ZNF804A: variants seen among roughly 807,000 people sequenced by gnomAD.
ZNF804A encodes zinc finger protein 804A.
A neutral mutation model predicts 16.5 loss-of-function variants in ZNF804A; 2 were observed. The ratio of observed to expected loss-of-function variants is 0.12; its 90% CI spans 0.05 to 0.38. ZNF804A has a LOEUF of 0.38. ZNF804A is among the 10% of genes least tolerant of loss of function. The probability of loss-of-function intolerance (pLI) is 0.99; values close to 1 mark genes in which losing one functional copy is unlikely to be tolerated. For missense variants in ZNF804A, 1,473 were observed against 1,390.7 expected (o/e 1.06, Z -0.94); for synonymous variants, 534 against 489.6 (o/e 1.09, Z -1.20).
intron 1 of ZNF804A, among the ~76,000 whole-genome samples, chr2:184,848,108 G>A (rs552753586): frequency 1.3e-5 from 2 of 152,006 alleles, no homozygotes; most frequent in South Asian, 4.2e-4. Flanking sequence ...TAGAGGTTTG[G>A]GAGTGAGATC....
chr2:184,670,925 A>G (rs1168169940), intron 1 of ZNF804A, among the ~76,000 whole-genome samples: 1 of 152,008 alleles, frequency 6.6e-6, no homozygotes, highest in Non-Finnish European at 1.5e-5. Flanking sequence ...ACTTGCTTTC[A>G]TCTTACCCAT....
At chr2:184,631,830 G>T (rs1479050334) in intron 1 of ZNF804A, among the ~76,000 whole-genome samples, 1 of 152,132 alleles carries the variant, frequency 6.6e-6, no homozygotes, top group Non-Finnish European at 1.5e-5. Flanking sequence ...AATAAAGGAA[G>T]ATAGTATATT....
chr2:184,910,137 C>A (rs1053733620), intron 2 of ZNF804A, among the ~76,000 whole-genome samples: 5 of 151,894 alleles, frequency 3.3e-5, no homozygotes, highest in African/African-American at 9.7e-5. Context: ...TCCTTTCTTC[C>A]CCCTTTAGTA....
intron 2 of ZNF804A, among the ~76,000 whole-genome samples, chr2:184,926,490 G>A (rs927247867): frequency 4.0e-5 from 6 of 151,818 alleles, no homozygotes; most frequent in Non-Finnish European, 8.8e-5. Context: ...GTCTTCTTTA[G>A]GTTAAATCTT....
At chr2:184,831,544 T>A (rs72905730) in intron 1 of ZNF804A, among the ~76,000 whole-genome samples, 1 of 152,012 alleles carries the variant, frequency 6.6e-6, no homozygotes, top group Non-Finnish European at 1.5e-5. Context: ...CAGTGTTGCT[T>A]GAGAACACCT....
At chr2:184,797,588 T>A (rs1386904640) in intron 1 of ZNF804A, among the ~76,000 whole-genome samples, 1 of 152,160 alleles carries the variant, frequency 6.6e-6, no homozygotes, top group African/African-American at 2.4e-5. Context: ...CAGTTCTGCC[T>A]CTTTTAAGTG....
At chr2:184,614,415 A>G (rs961399766) in intron 1 of ZNF804A, among the ~76,000 whole-genome samples, 1 of 152,236 alleles carries the variant, frequency 6.6e-6, no homozygotes, top group Non-Finnish European at 1.5e-5. Context: ...CAATGGCAAC[A>G]AAAGCCAAAA....
intron 1 of ZNF804A, among the ~76,000 whole-genome samples, chr2:184,811,514 A>T (rs2105786871): frequency 6.6e-6 from 1 of 152,298 alleles, no homozygotes; most frequent in Non-Finnish European, 1.5e-5. Context: ...TATATAGAGC[A>T]TAAAAATACA....
chr2:184,757,196 C>A (rs916502057), intron 1 of ZNF804A, among the ~76,000 whole-genome samples: 1 of 151,976 alleles, frequency 6.6e-6, no homozygotes, highest in East Asian at 1.9e-4. Context: ...TCTCATAATT[C>A]AGTTGAAGAT....
intron 1 of ZNF804A, among the ~76,000 whole-genome samples, chr2:184,828,102 A>G (rs561613500): frequency 3.3e-4 from 50 of 151,992 alleles, no homozygotes; most frequent in Admixed American, 5.9e-4. Context: ...AAATAATTTT[A>G]TGGAAGATAC....
intron 1 of ZNF804A, among the ~76,000 whole-genome samples, chr2:184,781,135 T>C (rs1349162590): frequency 6.6e-6 from 1 of 151,766 alleles, no homozygotes; most frequent in Non-Finnish European, 1.5e-5. Flanking sequence ...AAAATACACA[T>C]TGTATTTCTT....
chr2:184,685,603 C>T (rs1692615249), intron 1 of ZNF804A, among the ~76,000 whole-genome samples: 2 of 152,108 alleles, frequency 1.3e-5, no homozygotes, highest in Non-Finnish European at 2.9e-5. Context: ...AGCTCCTTTC[C>T]ACAGGCAGGA....
intron 1 of ZNF804A, among the ~76,000 whole-genome samples, chr2:184,824,998 G>A (rs547309790): frequency 5.5e-4 from 84 of 152,226 alleles, no homozygotes; most frequent in African/African-American, 2.0e-3. Context: ...TAAGCCCCAC[G>A]TCTCAATATG....
rs1376795142 is a variant in ZNF804A, at chr2:184,763,851, C to T, written c.112-102518C>T. On this transcript the variant is annotated intron_variant, in intron 1 of 3. Transcript: ENST00000302277. Reference sequence around the variant, plus strand: ...TAGAGATGGGGTTTCACCGTGTTAGCCAAGATAGCCTCGATCTCCTGACCT... The same window carrying T: ...TAGAGATGGGGTTTCACCGTGTTAGTCAAGATAGCCTCGATCTCCTGACCT... Among the ~76,000 whole-genome samples the T allele has an allele frequency of 2.6e-5, 4 of 151,698 alleles. No homozygotes were observed. The East Asian group carries it at 5.8e-4, about 22-fold the overall frequency.
intron 1 of ZNF804A, among the ~76,000 whole-genome samples, chr2:184,861,521 A>G (rs1203670015): frequency 2.6e-5 from 4 of 152,130 alleles, no homozygotes; most frequent in Non-Finnish European, 5.9e-5. Flanking sequence ...TCCTAATGTC[A>G]TGTATTTGTT....
chr2:184,720,295 C>A (rs1044489162), intron 1 of ZNF804A, among the ~76,000 whole-genome samples: 1 of 152,158 alleles, frequency 6.6e-6, no homozygotes, highest in African/African-American at 2.4e-5. Flanking sequence ...TATCAACACC[C>A]AACTTGGAAT....
At chr2:184,718,582 A>G (rs1334048262) in intron 1 of ZNF804A, among the ~76,000 whole-genome samples, 1 of 152,168 alleles carries the variant, frequency 6.6e-6, no homozygotes, top group Non-Finnish European at 1.5e-5. Flanking sequence ...AGCCAATCCA[A>G]ATAGGAGAAA....
intron 1 of ZNF804A, among the ~76,000 whole-genome samples, chr2:184,608,563 G>T (rs1372679381): frequency 6.6e-6 from 1 of 152,152 alleles, no homozygotes; most frequent in Non-Finnish European, 1.5e-5. Flanking sequence ...TTATTGTTAA[G>T]CTCCATCACA....
chr2:184,882,053 G>T (rs187429636), intron 2 of ZNF804A, among the ~76,000 whole-genome samples: 2 of 151,930 alleles, frequency 1.3e-5, no homozygotes, highest in Admixed American at 6.6e-5. Flanking sequence ...TCCATCTCAC[G>T]TGCACTGACA....
Sources: gnomAD v4.1 joint callset for allele counts (sites outside exome capture counted in the v4.1 genomes callset) on GRCh38, gnomAD v4.1.1 for gene constraint, MANE v1.5 for transcripts, NCBI Gene and HGNC (gene_info 2026-07-23, HGNC 2026-07-21) for gene names.